Variants in NELL2 observed in about 807,000 individuals in gnomAD.
NELL2 encodes protein kinase C-binding protein NELL2.
In NELL2, 41 loss-of-function variants were observed where a neutral mutation model predicts 109.6. That is an observed-to-expected ratio of 0.37 (90% confidence interval 0.29 to 0.49). NELL2 has a LOEUF of 0.49. Ranked by LOEUF, NELL2 falls within the 20% of genes least tolerant of loss-of-function variation. The probability of loss-of-function intolerance (pLI) is 0.98; values close to 1 mark genes in which losing one functional copy is unlikely to be tolerated. For synonymous variants in NELL2, 355 were observed against 344.7 expected (o/e 1.03, Z -0.33); for missense variants, 900 against 1,008.3 (o/e 0.89, Z 1.45).
intron 9 of NELL2, among the ~76,000 whole-genome samples, chr12:44,720,022 T>C (rs57396925): frequency 0.093 from 10,801 of 116,244 alleles, 1,243 homozygotes; most frequent in African/African-American, 0.27. Context: ...GCATTTATCC[T>C]GCCTACAACC....
At chr12:44,788,186 A>G (rs11504486) in intron 3 of NELL2, among the ~76,000 whole-genome samples, 35,940 of 152,054 alleles carry the variant, frequency 0.24, 4,525 homozygotes, top group South Asian at 0.3. Context: ...CAACTCGGAT[A>G]GACAGAGCAG....
intron 15 of NELL2, among the ~76,000 whole-genome samples, chr12:44,599,837 G>C (rs937394425): frequency 6.6e-6 from 1 of 151,890 alleles, no homozygotes; most frequent in African/African-American, 2.4e-5. Context: ...TAGAGAGAAA[G>C]AGACTATGTT....
At chr12:44,736,278 G>T (rs1450476093) in intron 9 of NELL2, among the ~76,000 whole-genome samples, 1 of 151,742 alleles carries the variant, frequency 6.6e-6, no homozygotes, top group Non-Finnish European at 1.5e-5. Flanking sequence ...CAAAGTGCTG[G>T]GATTACAGGC....
At chr12:44,524,729 T>C (rs1240927689) in intron 16 of NELL2, among the ~76,000 whole-genome samples, 1 of 152,138 alleles carries the variant, frequency 6.6e-6, no homozygotes, top group East Asian at 1.9e-4. Context: ...AACTAATGGA[T>C]TGGATCAATA....
intron 9 of NELL2, among the ~76,000 whole-genome samples, chr12:44,768,983 GT>G (rs146211813): frequency 0.072 from 10,758 of 149,792 alleles, 555 homozygotes; most frequent in Non-Finnish European, 0.11. Flanking sequence ...CATAAATTAT[GT>G]TTTCCCCCTC....
rs1938343177 is a variant in NELL2, at chr12:44,713,802, CCCTCACT to C, written c.1086+841_1086+847del. Among the ~76,000 whole-genome samples the C allele has an allele frequency of 6.6e-5, 10 of 151,988 alleles. No individual in the cohort carries two copies. In the South Asian group the frequency reaches 2.1e-3, roughly 32 times the overall value. ...AGCAAAATTCTTAGGATTTTCCTTTCCCTCACTCTTAGCAATCATAGTTTATTGGTGG... is the reference window on the plus strand; with the variant it reads ...AGCAAAATTCTTAGGATTTTCCTTTCCTTAGCAATCATAGTTTATTGGTGG... On this transcript the variant is annotated intron_variant, in intron 10 of 19. Coordinates refer to ENST00000429094, the MANE Select transcript of NELL2 (RefSeq NM_001145108.2).
intron 12 of NELL2, among the ~76,000 whole-genome samples, chr12:44,688,952 G>A (rs2136391180): frequency 6.6e-6 from 1 of 152,292 alleles, no homozygotes; most frequent in East Asian, 1.9e-4. Context: ...ACACTACGAA[G>A]AAATGCAAAG....
Position 44,772,775 on chromosome 12 carries a change from G to A in NELL2, c.994+1972C>T, listed in dbSNP as rs151029546. Among the ~76,000 whole-genome samples, 630 of 152,036 alleles carry A rather than the reference G, an allele frequency of 4.1e-3. 4 individuals carry two copies. Among genetic ancestry groups the A allele is most frequent in the African/African-American group, 0.013 (556 of 41,470 alleles). On this transcript the variant is annotated intron_variant, in intron 9 of 19. Transcript: ENST00000429094. The stretch of plus-strand genomic sequence containing the variant: ...ATTATTTTTTAGCCATATCTAATGA[G>A]GGCCTATGGCTTTTTTTTTTCATTA...
At chr12:44,533,890 GCCGT>G in intron 15 of NELL2, among the ~76,000 whole-genome samples, 1 of 26,590 alleles carries the variant, frequency 3.8e-5, no homozygotes, top group Non-Finnish European at 9.2e-5. Context: ...CATCTTGATA[GCCGT>G]ATGCCATAGC....
At chr12:44,920,492 C>T (rs56044224) in intron 1 of NELL2, among the ~76,000 whole-genome samples, 1 of 152,012 alleles carries the variant, frequency 6.6e-6, no homozygotes, top group African/African-American at 2.4e-5. Context: ...CAAAGGTTTC[C>T]TAATGTAGTC....
intron 12 of NELL2, among the ~76,000 whole-genome samples, chr12:44,697,456 C>T (rs936624574): frequency 6.6e-6 from 1 of 152,182 alleles, no homozygotes; most frequent in Non-Finnish European, 1.5e-5. Flanking sequence ...AAAATCCACA[C>T]AGACATGGGG....
At chr12:44,665,635 G>T (rs377558622) in intron 12 of NELL2, 26 bp from the exon 13 acceptor site, 114 of 1,602,380 alleles carry the variant, frequency 7.1e-5, no homozygotes, top group Non-Finnish European at 9.6e-5. Flanking sequence ...GGACAAAGAG[G>T]TCAACAGTGG....
At chr12:44,546,416 C>A (rs995512063) in intron 15 of NELL2, among the ~76,000 whole-genome samples, 16 of 152,218 alleles carry the variant, frequency 1.1e-4, no homozygotes, top group Non-Finnish European at 1.2e-4. Flanking sequence ...TGCTGAAACA[C>A]CCTTTAGCTT....
chr12:44,764,861 A>G (rs1335277123), intron 9 of NELL2, among the ~76,000 whole-genome samples: 1 of 152,148 alleles, frequency 6.6e-6, no homozygotes, highest in African/African-American at 2.4e-5. Flanking sequence ...AGAGAGAGAA[A>G]AAAAAAAGCA....
chr12:44,662,545 T>A (rs1947782377), intron 13 of NELL2, among the ~76,000 whole-genome samples: 2 of 152,206 alleles, frequency 1.3e-5, no homozygotes. Context: ...TCTTTAATAA[T>A]TCTTCCATCT....
At chr12:44,578,032 G>C (rs1271719852) in intron 15 of NELL2, among the ~76,000 whole-genome samples, 1 of 152,010 alleles carries the variant, frequency 6.6e-6, no homozygotes, top group Admixed American at 6.6e-5. Flanking sequence ...GTAAGAGCTG[G>C]CCCGTACTTA....
At chr12:44,529,487 A>G (rs1424659754) in intron 16 of NELL2, among the ~76,000 whole-genome samples, 1 of 152,176 alleles carries the variant, frequency 6.6e-6, no homozygotes, top group Non-Finnish European at 1.5e-5. Context: ...AATTAGGGAT[A>G]CATAGACGGC....
chr12:44,621,945 C>T (rs1452982444), intron 13 of NELL2, among the ~76,000 whole-genome samples: 1 of 115,428 alleles, frequency 8.7e-6, no homozygotes, highest in African/African-American at 2.7e-5. Flanking sequence ...AGTATTACAC[C>T]AGCTGTCCTC....
chr12:44,747,986 G>A (rs898866159), intron 9 of NELL2, among the ~76,000 whole-genome samples: 2 of 152,244 alleles, frequency 1.3e-5, no homozygotes, highest in Non-Finnish European at 2.9e-5. Flanking sequence ...TCTTGCATCA[G>A]AGTCCAGGCT....
Sources: gnomAD v4.1 joint callset for allele counts (sites outside exome capture counted in the v4.1 genomes callset) on GRCh38, gnomAD v4.1.1 for gene constraint, MANE v1.5 for transcripts, NCBI Gene and HGNC (gene_info 2026-07-23, HGNC 2026-07-21) for gene names.